USP37: variants seen among roughly 807,000 people sequenced by gnomAD.
The protein encoded by USP37 is ubiquitin specific peptidase 37.
Under a neutral mutation model 124.0 loss-of-function variants are expected in USP37, and 27 were observed. The ratio of observed to expected loss-of-function variants is 0.22; its 90% CI spans 0.16 to 0.30. The LOEUF is 0.30. Ranked by LOEUF, USP37 falls within the 10% of genes least tolerant of loss-of-function variation. USP37 has a pLI of 1.00. For missense variants in USP37, 889 were observed against 1,140.4 expected (o/e 0.78, Z 3.17); for synonymous variants, 365 against 388.0 (o/e 0.94, Z 0.70).
At chr2:218,474,149 G>A (rs900641983) in intron 20 of USP37, among the ~76,000 whole-genome samples, 2 of 152,176 alleles carry the variant, frequency 1.3e-5, no homozygotes, top group African/African-American at 4.8e-5. Context: ...AATAGCAGTG[G>A]TGAGAAAAGC....
At chr2:218,557,446 T>A (rs370766791) in intron 4 of USP37, among the ~76,000 whole-genome samples, 1 of 151,906 alleles carries the variant, frequency 6.6e-6, no homozygotes, top group Admixed American at 6.6e-5. Flanking sequence ...TATTTTTCCA[T>A]CACCACCTCT....
chr2:218,558,821 G>C (rs1344550257), intron 3 of USP37, 144 bp from the exon 4 acceptor site: 10 of 567,804 alleles, frequency 1.8e-5, no homozygotes, highest in Non-Finnish European at 3.0e-5. Flanking sequence ...CATGTGTCCA[G>C]TACTGTATTT....
intron 11 of USP37, among the ~76,000 whole-genome samples, chr2:218,507,670 T>C (rs1689753523): frequency 6.6e-6 from 1 of 152,188 alleles, no homozygotes; most frequent in Non-Finnish European, 1.5e-5. Context: ...ATAGTTTCTT[T>C]AATGGATGAG....
At chr2:218,530,918 A>G (rs2106025897) in intron 9 of USP37, among the ~76,000 whole-genome samples, 1 of 152,302 alleles carries the variant, frequency 6.6e-6, no homozygotes, top group East Asian at 1.9e-4. Flanking sequence ...TCAATTCTAT[A>G]AAGGCTGAGA....
chr2:218,539,698 GA>G (rs988379927), intron 8 of USP37, among the ~76,000 whole-genome samples: 4 of 151,420 alleles, frequency 2.6e-5, no homozygotes, highest in African/African-American at 9.7e-5. Flanking sequence ...CCAGGTAATA[GA>G]GCAAGATTGT....
At chr2:218,459,710 G>GAA in intron 23 of USP37, 80 bp downstream of exon 23, 4 of 1,243,530 alleles carry the variant, frequency 3.2e-6, no homozygotes, top group Non-Finnish European at 4.6e-6. Context: ...AGTGGACACT[G>GAA]AAAGTGGGGC....
At chr2:218,469,252 C>G (rs951667817) in intron 20 of USP37, among the ~76,000 whole-genome samples, 1 of 152,132 alleles carries the variant, frequency 6.6e-6, no homozygotes, top group African/African-American at 2.4e-5. Flanking sequence ...TTCCTTTCTT[C>G]TATTATTGGA....
intron 12 of USP37, 26 bp downstream of exon 12, chr2:218,498,000 C>A: frequency 6.3e-7 from 1 of 1,575,584 alleles, no homozygotes; most frequent in South Asian, 1.2e-5. Context: ...AAAGGTTACT[C>A]AGTAAGTACA....
At chr2:218,534,222 C>T (rs970315572) in intron 9 of USP37, among the ~76,000 whole-genome samples, 1 of 152,222 alleles carries the variant, frequency 6.6e-6, no homozygotes, top group Non-Finnish European at 1.5e-5. Flanking sequence ...GGCATGGTGG[C>T]TCCCACCTGT....
intron 10 of USP37, among the ~76,000 whole-genome samples, chr2:218,526,946 G>A (rs551896776): frequency 4.0e-5 from 6 of 151,654 alleles, no homozygotes; most frequent in African/African-American, 1.4e-4. Context: ...CCGCCACCAC[G>A]CCCGGCTAAT....
intron 10 of USP37, chr2:218,514,537 G>C (rs1432862685): frequency 6.6e-6 from 1 of 152,190 alleles, no homozygotes; most frequent in East Asian, 1.9e-4. Context: ...TCATATCACA[G>C]AGTCTATAAT....
At chr2:218,530,263 C>G (rs372748570) in intron 9 of USP37, among the ~76,000 whole-genome samples, 1 of 152,072 alleles carries the variant, frequency 6.6e-6, no homozygotes, top group African/African-American at 2.4e-5. Flanking sequence ...TGTGGCAACC[C>G]TGCACCAAGC....
Position 218,451,847 on chromosome 2 carries a change from G to A in USP37, c.*3083C>T, listed in dbSNP as rs1268595640. On this transcript the variant is annotated 3_prime_UTR_variant, in exon 26 of 26. Transcript: ENST00000258399. ...TATTGAGCCTTTAAGGTTAGGCCCA[G>A]AATGAACAGACCATAGCAAGTAAAC... 6.6e-6 allele frequency: 1 copy of A among 152,602 alleles called. No individual in the cohort carries two copies. The highest frequency in any genetic ancestry group is 2.4e-5 in the African/African-American group (1 of 41,442). The allele number at this position is 152,602 out of a possible 1,614,324, so 9.5% of individuals were successfully genotyped here.
chr2:218,550,050 C>G (rs894657646), intron 5 of USP37, 141 bp from the exon 6 acceptor site: 7 of 552,466 alleles, frequency 1.3e-5, no homozygotes, highest in Middle Eastern at 1.1e-3. Context: ...AAGTGCCTAT[C>G]AACCAATTCT....
At chr2:218,540,618 G>A (rs1436189791) in intron 8 of USP37, among the ~76,000 whole-genome samples, 1 of 152,168 alleles carries the variant, frequency 6.6e-6, no homozygotes, top group Admixed American at 6.5e-5. Context: ...CTCCAGCCTG[G>A]GCTGGAGCAA....
At chr2:218,545,643 T>G (rs1692278021) in intron 8 of USP37, among the ~76,000 whole-genome samples, 1 of 152,066 alleles carries the variant, frequency 6.6e-6, no homozygotes, top group Non-Finnish European at 1.5e-5. Flanking sequence ...ATTGAGATTT[T>G]AACTGATAAC....
intron 20 of USP37, among the ~76,000 whole-genome samples, chr2:218,467,631 G>T (rs1690426674): frequency 6.6e-6 from 1 of 151,924 alleles, no homozygotes. Context: ...ACAGGCGTGA[G>T]CCACCGTGCC....
At position 218,495,834 on chromosome 2, in the gene USP37, T is replaced by C. The variant is rs1262363939; in HGVS notation, c.1398A>G (p.Ser466=). The change falls in exon 14 of 26, where the codon TCA becomes TCG. Residue 466 remains serine, a synonymous_variant. Transcript: ENST00000258399. Reference sequence around the variant, plus strand: ...CAGGGCAAGTGTATGCTCTGGTAGCTGAAATATCTGGTGAATTTTCTTCTC... The same window carrying C: ...CAGGGCAAGTGTATGCTCTGGTAGCCGAAATATCTGGTGAATTTTCTTCTC... ...VSGEENSPDI[S]ATRAYTCPVI... is the part of the protein sequence containing the mutation. 3.1e-6 allele frequency: 5 copies of C among 1,614,058 alleles called. 1 individual carries two copies. In the South Asian group the frequency reaches 4.4e-5, roughly 14 times the overall value.
chr2:218,499,098 C>T (rs562924615), intron 11 of USP37, among the ~76,000 whole-genome samples: 1 of 152,164 alleles, frequency 6.6e-6, no homozygotes, highest in African/African-American at 2.4e-5. Flanking sequence ...CACGGTGAAA[C>T]CCTGTCTCTA....
Sources: allele counts gnomAD v4.1 joint callset (sites outside exome capture counted in the v4.1 genomes callset), GRCh38; gene constraint gnomAD v4.1.1; transcripts MANE v1.5; gene names NCBI Gene and HGNC (gene_info 2026-07-23, HGNC 2026-07-21).